CUX2: variants seen among roughly 807,000 people sequenced by gnomAD.
CUX2 encodes the protein cut like homeobox 2, also known as homeobox protein cut-like 2.
Under a neutral mutation model 144.8 loss-of-function variants are expected in CUX2, and 40 were observed. That is an observed-to-expected ratio of 0.28 (90% CI 0.21 to 0.36). The LOEUF (loss-of-function observed/expected upper bound fraction) is 0.36. CUX2 is among the 10% of genes least tolerant of loss of function. The probability of loss-of-function intolerance (pLI) is 1.00; values close to 1 mark genes in which losing one functional copy is unlikely to be tolerated. For missense variants in CUX2, 1,615 were observed against 1,994.0 expected, an observed-to-expected ratio of 0.81 and a Z score of 3.62; for synonymous variants, 827 against 875.6, an observed-to-expected ratio of 0.94 and a Z score of 0.98.
chr12:111,069,146 G>A (rs555318388), intron 1 of CUX2, among the ~76,000 whole-genome samples: 1 of 152,242 alleles, frequency 6.6e-6, no homozygotes, highest in South Asian at 2.1e-4. Flanking sequence ...GTCAGAATGG[G>A]TCTGGGTTCA....
intron 3 of CUX2, among the ~76,000 whole-genome samples, chr12:111,247,197 G>C (rs571103155): frequency 1.6e-4 from 24 of 152,232 alleles, no homozygotes; most frequent in Admixed American, 8.5e-4. Flanking sequence ...AGTCCATAGC[G>C]AGCACCGCAC....
At chr12:111,065,814 G>A (rs1047807653) in intron 1 of CUX2, among the ~76,000 whole-genome samples, 12 of 152,166 alleles carry the variant, frequency 7.9e-5, no homozygotes, top group Admixed American at 5.2e-4. Flanking sequence ...GCAAATTGTC[G>A]AGCTCCAACC....
intron 4 of CUX2, among the ~76,000 whole-genome samples, chr12:111,284,847 T>A (rs1885295481): frequency 6.6e-6 from 1 of 152,170 alleles, no homozygotes; most frequent in African/African-American, 2.4e-5. Context: ...AGTGAGCAGA[T>A]GTTTATGAGG....
At chr12:111,123,424 T>A (rs903396637) in intron 1 of CUX2, among the ~76,000 whole-genome samples, 46 of 152,188 alleles carry the variant, frequency 3.0e-4, no homozygotes, top group Non-Finnish European at 1.2e-4. Flanking sequence ...TCTCAAGCAA[T>A]CCACCAATCT....
intron 21 of CUX2, among the ~76,000 whole-genome samples, chr12:111,344,627 G>A (rs563350893): frequency 3.3e-4 from 50 of 152,306 alleles, no homozygotes; most frequent in African/African-American, 8.9e-4. Context: ...TGAGGGAGGT[G>A]GGGGAGAGCT....
chr12:111,308,322 A>G lies in CUX2; in HGVS notation c.1147A>G (p.Ser383Gly). The part of the protein sequence containing the change: ...KAMKLASSTC[S>G]LPQGMAKPED... Reference sequence around the variant, plus strand: ...CATGAAGCTGGCCTCCAGCACCTGCAGCCTCCCCCAGGTAAGTGTCCCTGC... The same window carrying G: ...CATGAAGCTGGCCTCCAGCACCTGCGGCCTCCCCCAGGTAAGTGTCCCTGC... Residue 383 changes from serine to glycine, a missense_variant, in exon 13 of 22, where the codon AGC becomes GGC. Ser to Gly is a moderately conservative substitution (Grantham distance 56, BLOSUM62 0). Coordinates refer to ENST00000261726, the MANE Select transcript of CUX2 (RefSeq NM_015267.4). 1 of 1,614,146 alleles carries G rather than the reference A, an allele frequency of 6.2e-7. No homozygotes were observed. The highest frequency in any genetic ancestry group is 8.5e-7 in the Non-Finnish European group (1 of 1,180,018).
chr12:111,131,958 C>T (rs1875512271), intron 1 of CUX2, among the ~76,000 whole-genome samples: 1 of 152,260 alleles, frequency 6.6e-6, no homozygotes, highest in Admixed American at 6.5e-5. Flanking sequence ...TGTCTTCTCA[C>T]AGCTCCACTA....
chr12:111,258,288 G>A (rs150406579), intron 3 of CUX2, among the ~76,000 whole-genome samples: 1,819 of 152,254 alleles, frequency 0.012, 40 homozygotes, highest in African/African-American at 0.042. Context: ...CAAGGCGGGC[G>A]GATCACCTGA....
Position 111,293,392 on chromosome 12 carries a change from G to T in CUX2, c.437-54G>T. ...ATCCGGTTTACAGAAAGCGGCTCTG[G>T]CTGCCACGTTGCTCTCTTGGCAATG... On this transcript the variant is annotated intron_variant, in intron 5 of 21. Transcript: ENST00000261726. The surrounding 1 kb of genome is among the most constrained non-coding windows in gnomAD (Gnocchi z 4.5). 6.4e-7 allele frequency: 1 copy of T among 1,560,038 alleles called. No individual in the cohort carries two copies. Among genetic ancestry groups the T allele is most frequent in the East Asian group, 2.3e-5 (1 of 43,804 alleles).
intron 1 of CUX2, among the ~76,000 whole-genome samples, chr12:111,193,899 T>C (rs1198137114): frequency 6.6e-6 from 1 of 152,080 alleles, no homozygotes; most frequent in South Asian, 2.1e-4. Flanking sequence ...AGACAGTCTG[T>C]CCCAGGATGG....
At chr12:111,191,306 A>ATTATTTATTTAT (rs200077725) in intron 1 of CUX2, among the ~76,000 whole-genome samples, 97 of 146,834 alleles carry the variant, frequency 6.6e-4, no homozygotes, top group Middle Eastern at 3.5e-3. Context: ...TTATTCTTTT[A>ATTATTTATTTAT]TTATTTATTT....
At chr12:111,342,307 GTC>G (rs1565934778) in intron 21 of CUX2, among the ~76,000 whole-genome samples, 1 of 151,808 alleles carries the variant, frequency 6.6e-6, no homozygotes, top group African/African-American at 2.4e-5. Context: ...GGGAGACCTC[GTC>G]TCTACAAAAA....
At chr12:111,274,869 A>C (rs1342178173) in intron 4 of CUX2, among the ~76,000 whole-genome samples, 1 of 152,026 alleles carries the variant, frequency 6.6e-6, no homozygotes, top group Non-Finnish European at 1.5e-5. Context: ...TTTCCTAAAA[A>C]AGCTCCAAAT....
chr12:111,272,201 A>G (rs1884672129), intron 4 of CUX2, among the ~76,000 whole-genome samples: 2 of 152,282 alleles, frequency 1.3e-5, no homozygotes, highest in Admixed American at 6.5e-5. Flanking sequence ...TTTTGTCCCA[A>G]ATAACTCGTT....
At chr12:111,340,011 C>G (rs1476778365) in intron 20 of CUX2, among the ~76,000 whole-genome samples, 1 of 152,134 alleles carries the variant, frequency 6.6e-6, no homozygotes, top group Non-Finnish European at 1.5e-5. Flanking sequence ...GCCTGGCCAA[C>G]ATGGTGAAAC....
intron 1 of CUX2, among the ~76,000 whole-genome samples, chr12:111,192,706 C>T (rs879803582): frequency 1.3e-5 from 2 of 152,212 alleles, no homozygotes; most frequent in Admixed American, 1.3e-4. Flanking sequence ...GGGTGTGGGT[C>T]AGTGACCCCT....
intron 1 of CUX2, among the ~76,000 whole-genome samples, chr12:111,165,547 C>G (rs1291389242): frequency 2.0e-5 from 3 of 152,224 alleles, no homozygotes; most frequent in Non-Finnish European, 4.4e-5. Context: ...GACTCAAATT[C>G]TGGTGCTGCT....
chr12:111,305,771 G>T (rs1886547768), intron 10 of CUX2, among the ~76,000 whole-genome samples: 1 of 152,168 alleles, frequency 6.6e-6, no homozygotes, highest in Admixed American at 6.6e-5. Context: ...ATGTGTCTTT[G>T]GTGTGTCTGG....
intron 18 of CUX2, among the ~76,000 whole-genome samples, chr12:111,332,225 C>T (rs1888150259): frequency 6.9e-6 from 1 of 145,350 alleles, no homozygotes; most frequent in African/African-American, 2.6e-5. Context: ...CTCCGCCTCC[C>T]AGGTTCAAGC....
Sources: gnomAD v4.1 joint callset for allele counts (sites outside exome capture counted in the v4.1 genomes callset) on GRCh38, gnomAD v4.1.1 for gene constraint, Gnocchi (gnomAD v3.1) non-coding constraint, MANE v1.5 for transcripts, NCBI Gene and HGNC (gene_info 2026-07-23, HGNC 2026-07-21) for gene names.